The following TMPRSS9 variants were observed in gnomAD, a reference collection of about 807,000 sequenced individuals.
TMPRSS9 encodes transmembrane protease serine 9.
A neutral mutation model predicts 111.4 loss-of-function variants in TMPRSS9; 113 were observed. The ratio of observed to expected loss-of-function variants is 1.01; its 90% CI spans 0.87 to 1.19. The LOEUF (loss-of-function observed/expected upper bound fraction) is 1.19, where lower values mean the gene tolerates loss of function less well. Among genes scored for constraint, TMPRSS9 ranks in the 50% most tolerant of loss-of-function variants. The pLI is 0.00. For missense variants in TMPRSS9, 1,803 were observed against 1,513.1 expected, an observed-to-expected ratio of 1.19 and a Z score of -3.18; for synonymous variants, 805 against 659.1, an observed-to-expected ratio of 1.22 and a Z score of -3.39.
chr19:2,371,964 G>T (rs548473113), intron 1 of TMPRSS9, among the ~76,000 whole-genome samples: 2 of 152,126 alleles, frequency 1.3e-5, no homozygotes, highest in African/African-American at 4.8e-5. Context: ...ATTTTGGTGC[G>T]ATCTCGGCTC....
At chr19:2,409,299 C>T (rs7255314) in intron 8 of TMPRSS9, among the ~76,000 whole-genome samples, 13,905 of 151,336 alleles carry the variant, frequency 0.092, 905 homozygotes, top group East Asian at 0.26. Flanking sequence ...CCACCACACC[C>T]GGCAACTTTA....
chr19:2,387,726 C>G (rs1388774393), upstream of TMPRSS9, among the ~76,000 whole-genome samples: 3 of 151,976 alleles, frequency 2.0e-5, no homozygotes, highest in Non-Finnish European at 2.9e-5. Context: ...GTATGGGCAA[C>G]AGAGAGACTC....
intron 10 of TMPRSS9, 96 bp downstream of exon 11, chr19:2,414,114 T>G: frequency 7.5e-7 from 1 of 1,328,568 alleles, no homozygotes; most frequent in Non-Finnish European, 1.0e-6. Context: ...TTTTGGATCT[T>G]CCTGTTCAAG....
exon 10 of TMPRSS9, chr19:2,413,929 C>T: frequency 6.2e-7 from 1 of 1,612,504 alleles, no homozygotes; most frequent in Non-Finnish European, 8.5e-7. Flanking sequence ...CCCACCAGTC[C>T]TGAGAGCCCT....
At chr19:2,372,898 CAT>C (rs1479227559) in intron 1 of TMPRSS9, among the ~76,000 whole-genome samples, 1 of 152,186 alleles carries the variant, frequency 6.6e-6, no homozygotes, top group Non-Finnish European at 1.5e-5. Context: ...GTGGCACAAT[CAT>C]AGTTCACTTC....
exon 1 of TMPRSS9, chr19:2,389,866 A>G (rs1374598392): frequency 6.2e-7 from 1 of 1,613,988 alleles, no homozygotes; most frequent in African/African-American, 1.3e-5. Flanking sequence ...CGTGCTGTCG[A>G]GCGGCCAGCA....
intron 13 of TMPRSS9, among the ~76,000 whole-genome samples, 199 bp downstream of exon 14, chr19:2,418,337 TTCCCTC>T (rs1971322789): frequency 3.3e-5 from 1 of 30,126 alleles, no homozygotes; most frequent in African/African-American, 3.5e-4. Context: ...CTCCCTTTCC[TTCCCTC>T]CCTTTCCCTC....
At chr19:2,400,523 CAG>C (rs1970811908) in intron 4 of TMPRSS9, among the ~76,000 whole-genome samples, 1 of 150,456 alleles carries the variant, frequency 6.6e-6, no homozygotes, top group African/African-American at 2.5e-5. Flanking sequence ...GCCTGGGTGA[CAG>C]AGTGAGACTC....
At chr19:2,401,018 T>G (rs1599295377) in intron 4 of TMPRSS9, among the ~76,000 whole-genome samples, 1 of 150,138 alleles carries the variant, frequency 6.7e-6, no homozygotes, top group South Asian at 2.1e-4. Flanking sequence ...CTTACGCCTG[T>G]AATCCCAGCA....
At chr19:2,407,795 T>TA (rs1388421978) in intron 7 of TMPRSS9, among the ~76,000 whole-genome samples, 1 of 150,734 alleles carries the variant, frequency 6.6e-6, no homozygotes, top group Non-Finnish European at 1.5e-5. Context: ...TATATATATA[T>TA]TTTTTCTGAG....
chr19:2,418,240 TTCCTTCCCCCCC>T (rs1971297392), intron 13 of TMPRSS9, 102 bp downstream of exon 14: 4 of 1,351,818 alleles, frequency 3.0e-6, no homozygotes, highest in Non-Finnish European at 3.1e-6. Context: ...TTTCCTTTCT[TTCCTTCCCCCCC>T]TCCTTCCCTC....
chr19:2,383,182 C>T (rs376312148), intron 1 of TMPRSS9, among the ~76,000 whole-genome samples: 59 of 152,146 alleles, frequency 3.9e-4, no homozygotes, highest in African/African-American at 1.2e-3. Context: ...AGCAAGATCC[C>T]GTCTCTACTA....
intron 4 of TMPRSS9, among the ~76,000 whole-genome samples, chr19:2,399,603 A>T (rs1970786274): frequency 6.6e-6 from 1 of 152,154 alleles, no homozygotes; most frequent in African/African-American, 2.4e-5. Flanking sequence ...ACAAATGTAA[A>T]AACTGACATT....
At position 2,413,851 on chromosome 19, in the gene TMPRSS9, CCA is replaced by C. The variant is rs750346933; in HGVS notation, c.1408_1409del (p.Thr470GlnfsTer26). ...CTACGTGACTGGATCCTGGAGGCCACCACCAAAGCCAGCATGCCTCTGGCCCC... is the reference window on the plus strand; with the variant it reads ...CTACGTGACTGGATCCTGGAGGCCACCCAAAGCCAGCATGCCTCTGGCCCC... On this transcript the variant is annotated frameshift_variant, in exon 10 of 18. Coordinates refer to ENST00000648592, the Ensembl canonical transcript of TMPRSS9. LOFTEE classifies it high-confidence loss of function. 2 of 1,613,770 alleles carry C rather than the reference CCA, an allele frequency of 1.2e-6. No individual in the cohort carries two copies. Among genetic ancestry groups the C allele is most frequent in the Non-Finnish European group, 1.7e-6 (2 of 1,180,016 alleles).
chr19:2,397,472 G>GCT (rs1970734902), intron 2 of TMPRSS9, among the ~76,000 whole-genome samples: 1 of 152,038 alleles, frequency 6.6e-6, no homozygotes, highest in South Asian at 2.1e-4. Context: ...ACACAGCGTG[G>GCT]CTATGCACAC....
intron 13 of TMPRSS9, among the ~76,000 whole-genome samples, chr19:2,419,402 C>A (rs1187331194): frequency 1.3e-5 from 2 of 151,586 alleles, no homozygotes; most frequent in Non-Finnish European, 2.9e-5. Flanking sequence ...CGGGGTTTCA[C>A]TATGTTGGCC....
At chr19:2,363,027 C>T (rs1024696069) in intron 1 of TMPRSS9, among the ~76,000 whole-genome samples, 11 of 152,144 alleles carry the variant, frequency 7.2e-5, no homozygotes, top group East Asian at 1.9e-4. Flanking sequence ...AGGGTCCCAG[C>T]GCTCAGGCTG....
At chr19:2,395,942 A>C (rs1054413588) in intron 1 of TMPRSS9, among the ~76,000 whole-genome samples, 1 of 152,152 alleles carries the variant, frequency 6.6e-6, no homozygotes, top group Non-Finnish European at 1.5e-5. Flanking sequence ...CGGGAGGCGC[A>C]GCTTGCAGTG....
At chr19:2,418,277 C>G in intron 13 of TMPRSS9, 139 bp downstream of exon 14, 1 of 938,746 alleles carries the variant, frequency 1.1e-6, no homozygotes, top group Non-Finnish European at 1.5e-6. Flanking sequence ...TCCTTCCCTC[C>G]TTTTCCTTTC....
Sources: allele counts gnomAD v4.1 joint callset (sites outside exome capture counted in the v4.1 genomes callset), GRCh38; gene constraint gnomAD v4.1.1; transcripts MANE v1.5; gene names NCBI Gene and HGNC (gene_info 2026-07-23, HGNC 2026-07-21).